ZNF423: variants seen among roughly 807,000 people sequenced by gnomAD.
ZNF423 encodes Ebf-associated zinc finger protein.
A neutral mutation model predicts 95.8 loss-of-function variants in ZNF423; 12 were observed. That is an observed-to-expected ratio of 0.13 (90% CI 0.08 to 0.20). The LOEUF is 0.20. Ranked by LOEUF, ZNF423 falls within the 10% of genes least tolerant of loss-of-function variation. The probability of loss-of-function intolerance (pLI) is 1.00; values close to 1 mark genes in which losing one functional copy is unlikely to be tolerated. For missense variants in ZNF423, 1,316 were observed against 1,737.1 expected (o/e 0.76, Z 4.31); for synonymous variants, 749 against 711.9 (o/e 1.05, Z -0.83).
chr16:49,613,363 T>C (rs1298923867), intron 5 of ZNF423, among the ~76,000 whole-genome samples: 2 of 152,156 alleles, frequency 1.3e-5, no homozygotes, highest in Non-Finnish European at 2.9e-5. Flanking sequence ...CCCACAGAAA[T>C]ATGCTCAACT....
intron 3 of ZNF423, among the ~76,000 whole-genome samples, chr16:49,702,909 GCACACACA>G (rs66522223): frequency 0.16 from 23,545 of 147,604 alleles, 1,920 homozygotes; most frequent in African/African-American, 0.19. Context: ...GTGTGCACAC[GCACACACA>G]CACACACACA....
At chr16:49,752,044 C>T (rs2033642090) in intron 2 of ZNF423, among the ~76,000 whole-genome samples, 1 of 152,236 alleles carries the variant, frequency 6.6e-6, no homozygotes, top group African/African-American at 2.4e-5. Flanking sequence ...GTGCCCACCC[C>T]AGGCTCTCCT....
chr16:49,574,246 A>G (rs1970432909), intron 5 of ZNF423, among the ~76,000 whole-genome samples: 1 of 152,212 alleles, frequency 6.6e-6, no homozygotes, highest in South Asian at 2.1e-4. Flanking sequence ...TTAGCCATGC[A>G]TGGTGGTACA....
At chr16:49,587,625 T>C (rs1039476129) in intron 5 of ZNF423, among the ~76,000 whole-genome samples, 8 of 151,992 alleles carry the variant, frequency 5.3e-5, no homozygotes, top group African/African-American at 9.7e-5. Context: ...CTGGACACCA[T>C]TGATGAGGGT....
intron 5 of ZNF423, among the ~76,000 whole-genome samples, chr16:49,528,316 C>T (rs1485825695): frequency 6.6e-6 from 1 of 152,180 alleles, no homozygotes; most frequent in African/African-American, 2.4e-5. Context: ...GCCGCAGCTA[C>T]ACCCAGCGCC....
chr16:49,533,146 G>A (rs1276977346), intron 5 of ZNF423, among the ~76,000 whole-genome samples: 1 of 152,204 alleles, frequency 6.6e-6, no homozygotes, highest in East Asian at 1.9e-4. Context: ...GCAGGCATGT[G>A]GTTTCAGCCT....
At chr16:49,690,066 C>T (rs2031721403) in intron 3 of ZNF423, among the ~76,000 whole-genome samples, 1 of 152,206 alleles carries the variant, frequency 6.6e-6, no homozygotes, top group Non-Finnish European at 1.5e-5. Context: ...CTGTTCTACA[C>T]AAAAGGGCAC....
chr16:49,554,089 C>T (rs1347373048), intron 5 of ZNF423, among the ~76,000 whole-genome samples: 1 of 152,166 alleles, frequency 6.6e-6, no homozygotes, highest in East Asian at 1.9e-4. Flanking sequence ...CTGACACTGG[C>T]ACTGGGCAGA....
chr16:49,578,638 T>C (rs1305419223), intron 5 of ZNF423, among the ~76,000 whole-genome samples: 1 of 152,164 alleles, frequency 6.6e-6, no homozygotes, highest in African/African-American at 2.4e-5. Flanking sequence ...GCTGGGACCT[T>C]GTGGCTCCAC....
intron 3 of ZNF423, among the ~76,000 whole-genome samples, chr16:49,665,992 C>T (rs1167200174): frequency 2.6e-5 from 4 of 152,166 alleles, no homozygotes; most frequent in African/African-American, 9.7e-5. Context: ...GAGTGGGCCC[C>T]GGAACACAGC....
chr16:49,749,244 C>T (rs556387230), intron 2 of ZNF423, among the ~76,000 whole-genome samples: 1 of 152,156 alleles, frequency 6.6e-6, no homozygotes, highest in African/African-American at 2.4e-5. Flanking sequence ...AGCCCACCCC[C>T]ACAAGAAACG....
At chr16:49,768,440 C>T (rs964909932) in intron 2 of ZNF423, among the ~76,000 whole-genome samples, 1 of 152,216 alleles carries the variant, frequency 6.6e-6, no homozygotes, top group Non-Finnish European at 1.5e-5. Context: ...CACATCTAAA[C>T]GAAGAGCCGG....
Position 49,695,071 on chromosome 16 carries a change from C to T in ZNF423, c.301+35700G>A, listed in dbSNP as rs747083843. ...GGGCTTCCATTCCCCAGTTCTGCAC[C>T]GAGCAGCTCAGGCGAAGGATCCCTC... On this transcript the variant is annotated intron_variant, in intron 3 of 7. Transcript: ENST00000563137. Among the ~76,000 whole-genome samples the T allele has an allele frequency of 3.3e-4, 51 of 152,254 alleles. 1 individual carries two copies. Among genetic ancestry groups the T allele is most frequent in the Non-Finnish European group, 3.5e-4 (24 of 68,016 alleles).
chr16:49,773,004 G>A (rs1351520889), intron 2 of ZNF423, among the ~76,000 whole-genome samples: 2 of 152,182 alleles, frequency 1.3e-5, no homozygotes, highest in African/African-American at 2.4e-5. Context: ...AGTGCTGAGC[G>A]AAGGGGGAAG....
chr16:49,579,597 G>A (rs183740807), intron 5 of ZNF423, among the ~76,000 whole-genome samples: 10 of 152,156 alleles, frequency 6.6e-5, no homozygotes, highest in Non-Finnish European at 1.3e-4. Flanking sequence ...CAGGCAAGCT[G>A]AGCGTGCTGG....
intron 3 of ZNF423, among the ~76,000 whole-genome samples, chr16:49,715,046 C>T (rs987766075): frequency 2.8e-4 from 43 of 152,136 alleles, no homozygotes; most frequent in African/African-American, 9.4e-4. Context: ...CTTAGCACCA[C>T]CCAGGCCACT....
At chr16:49,676,442 C>T (rs1161908573) in intron 3 of ZNF423, among the ~76,000 whole-genome samples, 1 of 152,184 alleles carries the variant, frequency 6.6e-6, no homozygotes, top group African/African-American at 2.4e-5. Context: ...TGGAGGTCCA[C>T]AAGGCTGCCT....
chr16:49,733,313 C>T (rs1393924928), intron 2 of ZNF423, among the ~76,000 whole-genome samples: 2 of 152,210 alleles, frequency 1.3e-5, no homozygotes, highest in African/African-American at 4.8e-5. Flanking sequence ...ATCAGCACCA[C>T]ACTTGTGCTA....
chr16:49,588,933 C>T (rs1970924167), intron 5 of ZNF423, among the ~76,000 whole-genome samples: 1 of 152,226 alleles, frequency 6.6e-6, no homozygotes, highest in African/African-American at 2.4e-5. Flanking sequence ...TGCTCTCCAA[C>T]AGAACTGGAA....
Sources: allele counts gnomAD v4.1 joint callset (sites outside exome capture counted in the v4.1 genomes callset), GRCh38; gene constraint gnomAD v4.1.1; transcripts MANE v1.5; gene names NCBI Gene and HGNC (gene_info 2026-07-23, HGNC 2026-07-21).